EVA1A: variants seen among roughly 807,000 people sequenced by gnomAD.
EVA1A encodes the protein protein eva-1 homolog A.
Under a neutral mutation model 9.8 loss-of-function variants are expected in EVA1A, and 7 were observed. The ratio of observed to expected loss-of-function variants is 0.71; its 90% confidence interval spans 0.41 to 1.34. The LOEUF (loss-of-function observed/expected upper bound fraction) is 1.34. EVA1A is among the 40% of genes most tolerant of loss of function. The pLI, the probability that EVA1A is intolerant of heterozygous loss-of-function variation, is 0.01. For missense variants in EVA1A, 206 were observed against 205.9 expected (o/e 1.00, Z 0.00); for synonymous variants, 90 against 85.6 (o/e 1.05, Z -0.28).
At chr2:75,559,081 C>A (rs1214917079) in intron 1 of EVA1A, among the ~76,000 whole-genome samples, 3 of 152,168 alleles carry the variant, frequency 2.0e-5, no homozygotes, top group East Asian at 3.9e-4. Context: ...TGGCACTCTT[C>A]ATGAAGTGAA....
intron 1 of EVA1A, among the ~76,000 whole-genome samples, chr2:75,554,951 A>C (rs1676649470): frequency 6.6e-6 from 1 of 152,178 alleles, no homozygotes; most frequent in South Asian, 2.1e-4. Context: ...CCTTCAGACC[A>C]TGAGCATCTT....
At chr2:75,505,354 C>G (rs1674578533) in intron 3 of EVA1A, among the ~76,000 whole-genome samples, 1 of 152,152 alleles carries the variant, frequency 6.6e-6, no homozygotes, top group Non-Finnish European at 1.5e-5. Flanking sequence ...AAGGCAGAAT[C>G]CATATGATTG....
intron 2 of EVA1A, among the ~76,000 whole-genome samples, chr2:75,519,101 G>A (rs1488946637): frequency 2.0e-5 from 3 of 152,196 alleles, no homozygotes; most frequent in African/African-American, 7.2e-5. Context: ...CCTCTCCCCA[G>A]CTGCTGCAGC....
chr2:75,535,161 C>T (rs761799585), intron 1 of EVA1A, among the ~76,000 whole-genome samples: 5 of 151,560 alleles, frequency 3.3e-5, no homozygotes, highest in Non-Finnish European at 5.9e-5. Flanking sequence ...AAATGGCCAA[C>T]AAATATATGA....
At chr2:75,534,804 T>C (rs1675816316) in intron 1 of EVA1A, among the ~76,000 whole-genome samples, 1 of 152,182 alleles carries the variant, frequency 6.6e-6, no homozygotes, top group Non-Finnish European at 1.5e-5. Context: ...TTTGGGGTCT[T>C]AGTCACAAAT....
chr2:75,517,171 T>A (rs969128465), intron 3 of EVA1A, among the ~76,000 whole-genome samples: 2 of 152,036 alleles, frequency 1.3e-5, no homozygotes, highest in Admixed American at 1.3e-4. Context: ...TGGCTCAGAA[T>A]TGCCACTGTA....
chr2:75,536,584 T>C (rs1439421418), intron 1 of EVA1A, among the ~76,000 whole-genome samples: 1 of 151,048 alleles, frequency 6.6e-6, no homozygotes, highest in Non-Finnish European at 1.5e-5. Context: ...AAGAAAGAAG[T>C]TACAAATTAC....
At chr2:75,551,689 AG>A (rs1676529209) in intron 1 of EVA1A, among the ~76,000 whole-genome samples, 1 of 152,234 alleles carries the variant, frequency 6.6e-6, no homozygotes, top group Non-Finnish European at 1.5e-5. Context: ...CTCTGTGCCT[AG>A]GTTTACTCAG....
intron 2 of EVA1A, 31 bp from the exon 3 acceptor site, chr2:75,518,239 A>G: frequency 6.5e-7 from 1 of 1,530,398 alleles, no homozygotes; most frequent in Non-Finnish European, 8.8e-7. Context: ...AGTGATAAGA[A>G]ACATTCTGCT....
At chr2:75,560,425 A>C (rs957079483) in intron 1 of EVA1A, among the ~76,000 whole-genome samples, 1 of 152,170 alleles carries the variant, frequency 6.6e-6, no homozygotes, top group Non-Finnish European at 1.5e-5. Context: ...TGTTCTATCC[A>C]GAAAGAAGCA....
At position 75,514,519 on chromosome 2, in the gene EVA1A, G is replaced by A. The variant is rs535108634; in HGVS notation, c.85+3537C>T. 1.1e-3 allele frequency among the ~76,000 whole-genome samples: 170 copies of A among 152,138 alleles called. 1 individual carries two copies. Among genetic ancestry groups the A allele is most frequent in the African/African-American group, 3.9e-3 (163 of 41,510 alleles). On this transcript the variant is annotated intron_variant, in intron 3 of 3. Coordinates refer to ENST00000393913, the MANE Select transcript of EVA1A (RefSeq NM_001135032.2). ...TTAATAAAATAACATTTCTTATGAA[G>A]TAATATCAATGAATTGTTATTAAAA...
chr2:75,551,065 G>A (rs976635785), intron 1 of EVA1A, among the ~76,000 whole-genome samples: 1 of 152,178 alleles, frequency 6.6e-6, no homozygotes, highest in Non-Finnish European at 1.5e-5. Flanking sequence ...AGAGGTTGCA[G>A]TGAGCCAAGA....
intron 2 of EVA1A, among the ~76,000 whole-genome samples, chr2:75,519,834 T>C (rs1675174504): frequency 6.6e-6 from 1 of 151,718 alleles, no homozygotes. Flanking sequence ...TCTCCACTAA[T>C]GTTACCAGAT....
chr2:75,497,480 G>A (rs1382954398), intron 3 of EVA1A, among the ~76,000 whole-genome samples: 4 of 151,940 alleles, frequency 2.6e-5, no homozygotes, highest in Non-Finnish European at 5.9e-5. Context: ...AAACCACGAC[G>A]AGATACCATC....
At chr2:75,559,697 T>TGGGGGGGGGGGGGGGGGGG (rs36059976) in intron 1 of EVA1A, among the ~76,000 whole-genome samples, 1 of 78,788 alleles carries the variant, frequency 1.3e-5, no homozygotes, top group African/African-American at 5.9e-5. Context: ...AGAAAGGAGG[T>TGGGGGGGGGGGGGGGGGGG]GGGGGGGGGG....
intron 3 of EVA1A, among the ~76,000 whole-genome samples, chr2:75,512,118 G>C (rs1377047443): frequency 1.3e-5 from 2 of 151,958 alleles, no homozygotes; most frequent in East Asian, 3.9e-4. Context: ...GGAAATAGAA[G>C]AGTGAGCCAG....
chr2:75,501,559 A>G (rs1284435783), intron 3 of EVA1A, among the ~76,000 whole-genome samples: 6 of 152,214 alleles, frequency 3.9e-5, no homozygotes. Flanking sequence ...GCAACAAAAA[A>G]GGTTTTGATT....
chr2:75,506,581 A>G (rs1327886172), intron 3 of EVA1A, among the ~76,000 whole-genome samples: 1 of 152,236 alleles, frequency 6.6e-6, no homozygotes, highest in African/African-American at 2.4e-5. Flanking sequence ...ACTCTGCTGC[A>G]TGCTTCTGAA....
chr2:75,559,823 C>T (rs1448474333), intron 1 of EVA1A, among the ~76,000 whole-genome samples: 1 of 151,946 alleles, frequency 6.6e-6, no homozygotes, highest in Non-Finnish European at 1.5e-5. Flanking sequence ...TGGCTGGGCC[C>T]TTTCCTAGCT....
Sources: allele counts gnomAD v4.1 joint callset (sites outside exome capture counted in the v4.1 genomes callset), GRCh38; gene constraint gnomAD v4.1.1; transcripts MANE v1.5; gene names NCBI Gene and HGNC (gene_info 2026-07-23, HGNC 2026-07-21).